The following CUBN variants were observed in gnomAD, a reference collection of about 807,000 sequenced individuals.
CUBN encodes the protein cubilin, also known as 460 kDa receptor.
In CUBN, 282 loss-of-function variants were observed where a neutral mutation model predicts 405.3. That is an observed-to-expected ratio of 0.70 (90% CI 0.63 to 0.77). The LOEUF is 0.77. Ranked by LOEUF, CUBN falls within the 30% of genes least tolerant of loss-of-function variation. The pLI is 0.00. For synonymous variants in CUBN, 1,684 were observed against 1,617.0 expected (o/e 1.04, Z -0.99); for missense variants, 4,514 against 4,475.2 (o/e 1.01, Z -0.25).
Position 16,870,425 on chromosome 10 carries a change from G to A in CUBN, c.9237-572C>T, listed in dbSNP as rs560485935. 2.0e-5 allele frequency among the ~76,000 whole-genome samples: 3 copies of A among 152,310 alleles called. No individual in the cohort carries two copies. In the East Asian group the frequency reaches 5.8e-4, roughly 29 times the overall value. ...ATTTACATTTAAGACCTCTGTGGTGGTCACTGACACTTCTGCACATGGTCC... is the reference window on the plus strand; with the variant it reads ...ATTTACATTTAAGACCTCTGTGGTGATCACTGACACTTCTGCACATGGTCC... On this transcript the variant is annotated intron_variant, in intron 58 of 66. Coordinates refer to ENST00000377833, the MANE Select transcript of CUBN (RefSeq NM_001081.4).
intron 27 of CUBN, among the ~76,000 whole-genome samples, chr10:17,026,470 A>G (rs1834665913): frequency 6.6e-6 from 1 of 151,992 alleles, no homozygotes; most frequent in Non-Finnish European, 1.5e-5. Context: ...TGTCTCTACT[A>G]AAAATATAAA....
At chr10:16,908,858 A>G (rs1253415814) in intron 48 of CUBN, among the ~76,000 whole-genome samples, 2 of 151,660 alleles carry the variant, frequency 1.3e-5, no homozygotes, top group African/African-American at 4.8e-5. Context: ...ACTCCACAAC[A>G]AAAGATGTCA....
chr10:16,977,655 C>A (rs1305048666), intron 31 of CUBN, among the ~76,000 whole-genome samples: 1 of 152,204 alleles, frequency 6.6e-6, no homozygotes, highest in Non-Finnish European at 1.5e-5. Context: ...ACCAAGAGGA[C>A]ACTGAGCTGG....
At chr10:17,046,226 C>T in intron 23 of CUBN, 132 bp from the exon 24 acceptor site, 1 of 753,744 alleles carries the variant, frequency 1.3e-6, no homozygotes, top group Non-Finnish European at 2.2e-6. Context: ...TCAAACACTA[C>T]ACTTACTCTA....
intron 29 of CUBN, among the ~76,000 whole-genome samples, chr10:16,984,528 G>A (rs1833365768): frequency 6.6e-6 from 1 of 152,106 alleles, no homozygotes; most frequent in African/African-American, 2.4e-5. Context: ...AATTGCAGAG[G>A]AGGACGGAGT....
At chr10:17,036,467 T>C (rs1834902228) in intron 27 of CUBN, among the ~76,000 whole-genome samples, 1 of 152,082 alleles carries the variant, frequency 6.6e-6, no homozygotes, top group African/African-American at 2.4e-5. Flanking sequence ...CAGCCTCTCC[T>C]GTGTGTGGGG....
At chr10:16,845,078 G>A (rs1839474860) in intron 60 of CUBN, among the ~76,000 whole-genome samples, 1 of 152,162 alleles carries the variant, frequency 6.6e-6, no homozygotes, top group South Asian at 2.1e-4. Flanking sequence ...TGAAGGCATT[G>A]TACAAATAAC....
rs926800142 is a variant in CUBN, at chr10:17,085,578, C to T, written c.2110+19G>A. 8 of 1,612,486 alleles carry T rather than the reference C, an allele frequency of 5.0e-6. No homozygotes were observed. Among genetic ancestry groups the T allele is most frequent in the Non-Finnish European group, 6.8e-6 (8 of 1,178,540 alleles). ...GGCCTTCAAATCCCTCTTAAGCCCC[C>T]AACTGGTAGGTTACTTACAAGGTGA... On this transcript the variant is annotated intron_variant, in intron 16 of 66. Coordinates refer to ENST00000377833, the MANE Select transcript of CUBN (RefSeq NM_001081.4).
At chr10:16,916,748 A>T (rs1418990978) in intron 45 of CUBN, among the ~76,000 whole-genome samples, 3 of 151,700 alleles carry the variant, frequency 2.0e-5, no homozygotes, top group Non-Finnish European at 4.4e-5. Context: ...TCAACCGCTC[A>T]TTTTTTAAAT....
At position 16,890,502 on chromosome 10, in the gene CUBN, T is replaced by A. The variant is rs1222346680; in HGVS notation, c.8624A>T (p.Asp2875Val). The part of the protein sequence containing the change: ...VKVWAGTEEV[D>V]KALLATGCGN... ...ACAGCCAGTGGCTAGCAGGGCTTTG[T>A]CCACCTCCTCAGTTCCTGCCCACAC... The change falls in exon 55 of 67, where the codon GAC becomes GTC. Residue 2875 changes from aspartate (D) to valine (V), a missense_variant. Asp to Val is a radical substitution (Grantham distance 152). Coordinates refer to ENST00000377833, the MANE Select transcript of CUBN (RefSeq NM_001081.4). 1.2e-6 allele frequency: 2 copies of A among 1,614,192 alleles called. No individual in the cohort carries two copies. Among genetic ancestry groups the A allele is most frequent in the South Asian group, 2.2e-5 (2 of 91,078 alleles).
In CUBN at chr10:17,109,628, A is replaced by T. The variant is rs772358097; in HGVS notation, c.1111+12T>A. The T allele has an allele frequency of 8.7e-6, 14 of 1,605,572 alleles. No individual in the cohort carries two copies. In the Admixed American group the frequency reaches 2.3e-4, roughly 27 times the overall value. ...ACAATACCCAAAGCCAAAGAGAGAG[A>T]TGAGTCATTACCTAGAGTTGAGGAG... On this transcript the variant is annotated intron_variant, in intron 10 of 66. Transcript: ENST00000377833.
chr10:16,949,445 G>GTC (rs2131623780), intron 34 of CUBN, among the ~76,000 whole-genome samples: 1 of 105,868 alleles, frequency 9.4e-6, no homozygotes, highest in Admixed American at 9.7e-5. Flanking sequence ...GTGTGTGTGT[G>GTC]TGTGTGTGTG....
intron 64 of CUBN, among the ~76,000 whole-genome samples, chr10:16,833,267 G>C (rs1160886637): frequency 6.7e-6 from 1 of 150,142 alleles, no homozygotes; most frequent in African/African-American, 2.5e-5. Context: ...CTCCATGGTG[G>C]GGGAGGTACA....
At chr10:17,096,419 A>G (rs1227692246) in intron 14 of CUBN, among the ~76,000 whole-genome samples, 6 of 152,106 alleles carry the variant, frequency 3.9e-5, no homozygotes, top group Non-Finnish European at 1.5e-5. Flanking sequence ...TATAACTTTC[A>G]TTTGTCAGTT....
intron 50 of CUBN, among the ~76,000 whole-genome samples, chr10:16,905,956 T>A (rs1355413443): frequency 1.3e-5 from 2 of 152,040 alleles, no homozygotes; most frequent in Admixed American, 1.3e-4. Flanking sequence ...CTACAAAAAA[T>A]TTTAATAATT....
chr10:17,046,425 T>C (rs192876033), intron 23 of CUBN, among the ~76,000 whole-genome samples: 3 of 152,266 alleles, frequency 2.0e-5, no homozygotes, highest in Non-Finnish European at 2.9e-5. Context: ...AAAGAAACTA[T>C]ACTATTAACT....
intron 27 of CUBN, among the ~76,000 whole-genome samples, chr10:17,032,243 G>A (rs1045394356): frequency 2.6e-5 from 4 of 152,132 alleles, no homozygotes; most frequent in African/African-American, 7.2e-5. Context: ...GGCGTGGAGG[G>A]GAGTAATAAG....
At chr10:17,082,496 C>T (rs368186336) in intron 17 of CUBN, among the ~76,000 whole-genome samples, 5 of 152,242 alleles carry the variant, frequency 3.3e-5, no homozygotes, top group African/African-American at 1.2e-4. Flanking sequence ...GAGGATGAAC[C>T]ATTCAGAGGT....
At chr10:16,861,878 C>T (rs994197269) in intron 59 of CUBN, among the ~76,000 whole-genome samples, 1 of 152,016 alleles carries the variant, frequency 6.6e-6, no homozygotes, top group African/African-American at 2.4e-5. Flanking sequence ...GGGCTGGGCG[C>T]AGTGGCTCAC....
Sources: allele counts gnomAD v4.1 joint callset (sites outside exome capture counted in the v4.1 genomes callset), GRCh38; gene constraint gnomAD v4.1.1; transcripts MANE v1.5; gene names NCBI Gene and HGNC (gene_info 2026-07-23, HGNC 2026-07-21).